ADARB2: variants seen among roughly 807,000 people sequenced by gnomAD.
ADARB2 encodes adenosine deaminase RNA specific B2 (inactive).
Under a neutral mutation model 62.2 loss-of-function variants are expected in ADARB2, and 25 were observed. That is an observed-to-expected ratio of 0.40 (90% CI 0.29 to 0.56). ADARB2 has a LOEUF of 0.56. Ranked by LOEUF, ADARB2 falls within the 20% of genes least tolerant of loss-of-function variation. The pLI is 0.43. For missense variants in ADARB2, 1,071 were observed against 1,077.4 expected (o/e 0.99, Z 0.08); for synonymous variants, 572 against 500.8 (o/e 1.14, Z -1.90).
intron 1 of ADARB2, among the ~76,000 whole-genome samples, chr10:1,388,862 GTT>G (rs1832545858): frequency 6.6e-6 from 1 of 152,130 alleles, no homozygotes; most frequent in Non-Finnish European, 1.5e-5. Context: ...TAATTTTGAA[GTT>G]TATATGGAAA....
intron 1 of ADARB2, among the ~76,000 whole-genome samples, chr10:1,483,666 T>C (rs1831503808): frequency 1.5e-5 from 1 of 66,822 alleles, no homozygotes; most frequent in Non-Finnish European, 3.2e-5. Flanking sequence ...GTTTGATTAT[T>C]ATGTGATGCC....
intron 4 of ADARB2, 118 bp downstream of exon 4, chr10:1,270,837 C>T (rs143365686): frequency 4.2e-5 from 36 of 855,020 alleles, no homozygotes; most frequent in African/African-American, 3.4e-4. Flanking sequence ...AATATTTTGT[C>T]TTTCTTTGTC....
chr10:1,326,746 CCGACGGCACGGCGCCTCT>C (rs1310378755), intron 3 of ADARB2, among the ~76,000 whole-genome samples: 1 of 150,478 alleles, frequency 6.6e-6, no homozygotes, highest in Non-Finnish European at 1.5e-5. Flanking sequence ...ACGGCGCCTC[CCGACGGCACGGCGCCTCT>C]GGTAGCACAG....
At chr10:1,593,194 C>A (rs962631970) in intron 1 of ADARB2, among the ~76,000 whole-genome samples, 2 of 127,160 alleles carry the variant, frequency 1.6e-5, no homozygotes, top group East Asian at 5.2e-4. Context: ...CCTCTGTCAC[C>A]CAGCTCCCTT....
intron 4 of ADARB2, among the ~76,000 whole-genome samples, chr10:1,262,287 TATAATA>T (rs55721350): frequency 0.047 from 6,343 of 135,730 alleles, 267 homozygotes; most frequent in African/African-American, 0.06. Context: ...AAACTTAAAG[TATAATA>T]ATAATAATAA....
chr10:1,386,750 A>C (rs1157663123), intron 1 of ADARB2, among the ~76,000 whole-genome samples: 2 of 151,958 alleles, frequency 1.3e-5, no homozygotes, highest in Non-Finnish European at 2.9e-5. Context: ...TAGAACAAGT[A>C]GTGAGAAAAA....
intron 7 of ADARB2, among the ~76,000 whole-genome samples, chr10:1,214,501 T>C (rs1323771194): frequency 1.3e-5 from 2 of 150,012 alleles, no homozygotes; most frequent in African/African-American, 5.0e-5. Flanking sequence ...TGGCGTTGTG[T>C]AGGTTTGCAC....
intron 1 of ADARB2, among the ~76,000 whole-genome samples, chr10:1,439,412 G>A (rs1174398256): frequency 1.5e-5 from 2 of 137,598 alleles, no homozygotes; most frequent in African/African-American, 5.6e-5. Context: ...GTCTCCCCCA[G>A]GACAGAGGCA....
chr10:1,268,683 G>C (rs890263453), intron 4 of ADARB2, among the ~76,000 whole-genome samples: 1 of 152,090 alleles, frequency 6.6e-6, no homozygotes, highest in African/African-American at 2.4e-5. Context: ...TAGTAATTTT[G>C]CACATTTCTA....
intron 6 of ADARB2, among the ~76,000 whole-genome samples, chr10:1,225,567 G>A (rs1401025889): frequency 6.6e-6 from 1 of 152,178 alleles, no homozygotes; most frequent in Non-Finnish European, 1.5e-5. Flanking sequence ...TCCTTTCCAT[G>A]TTTAGTGCTT....
intron 1 of ADARB2, among the ~76,000 whole-genome samples, chr10:1,540,522 TCA>T (rs1832406248): frequency 8.9e-6 from 1 of 112,146 alleles, no homozygotes; most frequent in Non-Finnish European, 1.8e-5. Context: ...CAGACCCCAC[TCA>T]GACGTAGTTC....
Position 1,676,265 on chromosome 10 carries a change from CTG to C in ADARB2, c.100+60784_100+60785del, listed in dbSNP as rs879390057. ...TTTTCTCAGATCTGTCCAAAACTTT[CTG>C]TGAGTGCAGCTCACAGACCCAAGGG... On this transcript the variant is annotated intron_variant, in intron 1 of 9. Coordinates refer to ENST00000381312, the MANE Select transcript of ADARB2 (RefSeq NM_018702.4). Among the ~76,000 whole-genome samples the C allele has an allele frequency of 9.7e-4, 147 of 152,146 alleles. 1 individual carries two copies. Among genetic ancestry groups the C allele is most frequent in the Admixed American group, 7.6e-3 (116 of 15,298 alleles).
intron 1 of ADARB2, among the ~76,000 whole-genome samples, chr10:1,595,359 G>T (rs1199599000): frequency 6.6e-6 from 1 of 152,216 alleles, no homozygotes; most frequent in Non-Finnish European, 1.5e-5. Context: ...AAGACCAACT[G>T]AGCACCCGGC....
chr10:1,426,970 C>A lies in ADARB2; in HGVS notation c.101-47810G>T, dbSNP rs371106013. ...GGGAAGAGGCCACAGAGCTATGTGTCGGCCCCACGCTTGGGCAGACCACTG... is the reference window on the plus strand; with the variant it reads ...GGGAAGAGGCCACAGAGCTATGTGTAGGCCCCACGCTTGGGCAGACCACTG... On this transcript the variant is annotated intron_variant, in intron 1 of 9. Coordinates refer to ENST00000381312, the MANE Select transcript of ADARB2 (RefSeq NM_018702.4). This position sits in a 1 kb window ranked among gnomAD's most constrained non-coding sequence, Gnocchi z 4.1. Among the ~76,000 whole-genome samples, 1 of 152,278 alleles carries A rather than the reference C, an allele frequency of 6.6e-6. No individual in the cohort carries two copies. Among genetic ancestry groups the A allele is most frequent in the South Asian group, 2.1e-4 (1 of 4,836 alleles).
In ADARB2 at chr10:1,242,125, G is replaced by T. The variant is rs111944117; in HGVS notation, c.1361+6C>A. 2 of 1,595,948 alleles carry T rather than the reference G, an allele frequency of 1.3e-6. No individual in the cohort carries two copies. The highest frequency in any genetic ancestry group is 1.3e-5 in the African/African-American group (1 of 74,694). ...CCTTCCCTGGAGCCCGTCCCCAGCC[G>T]CTCACCTCAGGTGCAGCTCCAGCTG... On this transcript the variant is annotated splice_donor_region_variant and intron_variant, in intron 5 of 9. Transcript: ENST00000381312.
intron 1 of ADARB2, among the ~76,000 whole-genome samples, chr10:1,489,410 C>A (rs1334621959): frequency 6.6e-6 from 1 of 152,234 alleles, no homozygotes; most frequent in Admixed American, 6.5e-5. Flanking sequence ...GGCAGTGGAT[C>A]TACCCAAGTC....
At chr10:1,480,484 G>A (rs1438836003) in intron 1 of ADARB2, among the ~76,000 whole-genome samples, 1 of 152,188 alleles carries the variant, frequency 6.6e-6, no homozygotes, top group Non-Finnish European at 1.5e-5. Context: ...GGGTCACTAG[G>A]TCAGGAGATT....
chr10:1,602,135 G>A (rs911088138), intron 1 of ADARB2, among the ~76,000 whole-genome samples: 14 of 152,176 alleles, frequency 9.2e-5, no homozygotes, highest in African/African-American at 3.4e-4. Context: ...AGCGATGGCT[G>A]GCTGTCCTGC....
rs201079175 is a variant in ADARB2 at position 1,185,011 on chromosome 10, C to T, written c.1893G>A (p.Pro631=). ...SGVSDAEARQ[P]GKSPPFSMNW... is the part of the protein sequence containing the mutation. ...TCATGCTGAAGGGGGGCGACTTCCCCGGCTGGCGCGCCTCGGCGTCACTCA... is the reference window on the plus strand; with the variant it reads ...TCATGCTGAAGGGGGGCGACTTCCCTGGCTGGCGCGCCTCGGCGTCACTCA... The change falls in exon 9 of 10, where the codon CCG becomes CCA. Residue 631 remains proline, a synonymous_variant. Transcript: ENST00000381312. 45 of 1,613,036 alleles carry T rather than the reference C, an allele frequency of 2.8e-5. No individual in the cohort carries two copies. The highest frequency in any genetic ancestry group is 1.7e-4 in the Middle Eastern group (1 of 5,816).
Sources: allele counts gnomAD v4.1 joint callset (sites outside exome capture counted in the v4.1 genomes callset), GRCh38; gene constraint gnomAD v4.1.1; non-coding constraint Gnocchi (gnomAD v3.1); transcripts MANE v1.5; gene names NCBI Gene and HGNC (gene_info 2026-07-23, HGNC 2026-07-21).